The following CTNNA3 variants were observed in gnomAD, a reference collection of about 807,000 sequenced individuals.
CTNNA3 encodes catenin alpha-3.
Under a neutral mutation model 95.7 loss-of-function variants are expected in CTNNA3, and 76 were observed. The ratio of observed to expected loss-of-function variants is 0.79; its 90% CI spans 0.66 to 0.96. The LOEUF is 0.96. Among genes scored for constraint, CTNNA3 ranks in the 40% least tolerant of loss-of-function variants. CTNNA3 has a pLI of 0.00. For missense variants in CTNNA3, 1,191 were observed against 1,089.8 expected (o/e 1.09, Z -1.31); for synonymous variants, 431 against 374.4 (o/e 1.15, Z -1.74).
At chr10:66,461,263 A>G (rs1004983153) in intron 11 of CTNNA3, among the ~76,000 whole-genome samples, 1 of 152,092 alleles carries the variant, frequency 6.6e-6, no homozygotes, top group African/African-American at 2.4e-5. Context: ...TGAGTTATGG[A>G]TAGTCAGACC....
chr10:67,609,216 A>G (rs1252532919), intron 2 of CTNNA3, among the ~76,000 whole-genome samples: 1 of 152,194 alleles, frequency 6.6e-6, no homozygotes, highest in East Asian at 1.9e-4. Flanking sequence ...GAGAAAGGAA[A>G]AAAACAACTT....
rs2080257171 is a variant in CTNNA3 at position 66,063,727 on chromosome 10, CTT to C, written c.2159+5579_2159+5580del. ...TTTTCATTTTATTCTCATTTTCTAA[CTT>C]ATCTTCTCTACATTAATTTTGTCTA... On this transcript the variant is annotated intron_variant, in intron 15 of 17. Transcript: ENST00000433211. 2.6e-5 allele frequency among the ~76,000 whole-genome samples: 4 copies of C among 152,002 alleles called. No individual in the cohort carries two copies. The South Asian group carries it at 8.3e-4, about 32-fold the overall frequency.
chr10:66,056,466 A>G (rs1327250379), intron 15 of CTNNA3, among the ~76,000 whole-genome samples: 3 of 152,122 alleles, frequency 2.0e-5, no homozygotes, highest in South Asian at 2.1e-4. Flanking sequence ...TATCATGTTC[A>G]TCAGAGGTAT....
chr10:66,190,338 C>G (rs909912355), intron 13 of CTNNA3, among the ~76,000 whole-genome samples: 2 of 152,032 alleles, frequency 1.3e-5, no homozygotes, highest in African/African-American at 2.4e-5. Flanking sequence ...TCCAGGGGAA[C>G]AGTATTGAAT....
rs1554848276 is a variant in CTNNA3, at chr10:66,763,341, C to CAGAGAGAGAGAG, written c.1281+2911_1281+2922dup. Among the ~76,000 whole-genome samples the CAGAGAGAGAGAG allele has an allele frequency of 2.5e-3, 341 of 139,182 alleles. 2 individuals carry two copies. The highest frequency in any genetic ancestry group is 6.2e-3 in the African/African-American group (231 of 36,994). 91.3% of individuals were successfully genotyped at this position (139,182 alleles called of 152,430 possible). On this transcript the variant is annotated intron_variant, in intron 9 of 17. Coordinates refer to ENST00000433211, the MANE Select transcript of CTNNA3 (RefSeq NM_013266.4). ...ACACACACACACACACACACACACA[C>CAGAGAGAGAGAG]AGAGAGAGAGAGGGAGAGAGAGAGA...
At chr10:66,366,439 T>C (rs1233688581) in intron 12 of CTNNA3, among the ~76,000 whole-genome samples, 1 of 152,194 alleles carries the variant, frequency 6.6e-6, no homozygotes, top group Admixed American at 6.6e-5. Flanking sequence ...TAAAACCTAT[T>C]CGCCAATGCA....
At chr10:66,898,004 AAATGTGCT>A (rs1227074635) in intron 7 of CTNNA3, among the ~76,000 whole-genome samples, 1 of 152,182 alleles carries the variant, frequency 6.6e-6, no homozygotes. Context: ...CAGAAAGTGA[AAATGTGCT>A]AATGACTAGT....
intron 1 of CTNNA3, among the ~76,000 whole-genome samples, chr10:67,703,195 G>A (rs1168517513): frequency 6.6e-6 from 1 of 152,124 alleles, no homozygotes; most frequent in African/African-American, 2.4e-5. Context: ...TCTACCAGAG[G>A]TACAAACAGG....
At chr10:67,272,991 C>A (rs1034045210) in intron 5 of CTNNA3, among the ~76,000 whole-genome samples, 1 of 152,140 alleles carries the variant, frequency 6.6e-6, no homozygotes, top group East Asian at 1.9e-4. Context: ...CCCTCTCTCA[C>A]ATAAAGTCCC....
At chr10:67,318,635 A>G (rs1305512801) in intron 5 of CTNNA3, among the ~76,000 whole-genome samples, 1 of 152,166 alleles carries the variant, frequency 6.6e-6, no homozygotes, top group Non-Finnish European at 1.5e-5. Flanking sequence ...CTCTTTCTCA[A>G]ACATGACAAG....
intron 7 of CTNNA3, among the ~76,000 whole-genome samples, chr10:67,123,631 C>G (rs532851556): frequency 1.3e-5 from 2 of 152,134 alleles, no homozygotes; most frequent in African/African-American, 4.8e-5. Flanking sequence ...AAGTAACAAC[C>G]TTGGAGCATT....
At chr10:66,361,402 C>T (rs572810340) in intron 12 of CTNNA3, among the ~76,000 whole-genome samples, 25 of 147,286 alleles carry the variant, frequency 1.7e-4, no homozygotes, top group African/African-American at 5.8e-4. Flanking sequence ...TCTTCCCTTC[C>T]ACTTCCACTT....
At chr10:67,604,262 C>T (rs1274546217) in intron 3 of CTNNA3, among the ~76,000 whole-genome samples, 1 of 152,102 alleles carries the variant, frequency 6.6e-6, no homozygotes, top group African/African-American at 2.4e-5. Flanking sequence ...AGGCATAAAG[C>T]AACACGGAAC....
In CTNNA3 at chr10:66,962,954, G is replaced by A. The variant is rs922013743; in HGVS notation, c.1048-187430C>T. ...CTCCCCAGTGCCTGGCATAAGGCAA[G>A]AATTCAATAAGTAGTTGTTGACTGA... On this transcript the variant is annotated intron_variant, in intron 7 of 17. Transcript: ENST00000433211. 7.3e-5 allele frequency among the ~76,000 whole-genome samples: 11 copies of A among 151,006 alleles called. 1 individual carries two copies. Among genetic ancestry groups the A allele is most frequent in the Admixed American group, 2.0e-4 (3 of 15,142 alleles).
intron 15 of CTNNA3, among the ~76,000 whole-genome samples, chr10:66,046,597 A>G (rs2079833897): frequency 6.6e-6 from 1 of 152,218 alleles, no homozygotes; most frequent in Non-Finnish European, 1.5e-5. Flanking sequence ...AAGCTAGCAG[A>G]AGATAAGAAA....
chr10:66,508,069 G>C (rs909400668), intron 11 of CTNNA3, among the ~76,000 whole-genome samples: 9 of 151,490 alleles, frequency 5.9e-5, no homozygotes, highest in African/African-American at 2.2e-4. Context: ...TCTTGGGTTT[G>C]TTTCTTAAAT....
intron 13 of CTNNA3, among the ~76,000 whole-genome samples, chr10:66,189,573 T>C (rs2086540485): frequency 6.8e-6 from 1 of 147,466 alleles, no homozygotes; most frequent in African/African-American, 2.6e-5. Context: ...TTCAAGCCAG[T>C]ACCATACTGT....
At chr10:65,961,941 T>C (rs1481339341) in intron 17 of CTNNA3, among the ~76,000 whole-genome samples, 2 of 152,058 alleles carry the variant, frequency 1.3e-5, no homozygotes, top group Non-Finnish European at 2.9e-5. Context: ...AAAGTGAAGC[T>C]GAAAGACAAA....
intron 5 of CTNNA3, among the ~76,000 whole-genome samples, chr10:67,456,463 GGAAAATATGT>G (rs1345485312): frequency 6.6e-6 from 1 of 152,044 alleles, no homozygotes; most frequent in Non-Finnish European, 1.5e-5. Context: ...AAGACTTGTG[GGAAAATATGT>G]GAAACAAGTC....
Sources: gnomAD v4.1 joint callset for allele counts (sites outside exome capture counted in the v4.1 genomes callset) on GRCh38, gnomAD v4.1.1 for gene constraint, MANE v1.5 for transcripts, NCBI Gene and HGNC (gene_info 2026-07-23, HGNC 2026-07-21) for gene names.